Variants in ALOX5 observed in about 807,000 individuals in gnomAD.
ALOX5 encodes the protein arachidonate 5-lipoxygenase, also known as polyunsaturated fatty acid 5-lipoxygenase.
In ALOX5, 64 loss-of-function variants were observed where a neutral mutation model predicts 87.9. The ratio of observed to expected loss-of-function variants is 0.73; its 90% confidence interval spans 0.60 to 0.90. The LOEUF is 0.90. Among genes scored for constraint, ALOX5 ranks in the 40% least tolerant of loss-of-function variants. The pLI, the probability that ALOX5 is intolerant of heterozygous loss-of-function variation, is 0.00. For synonymous variants in ALOX5, 388 were observed against 355.1 expected, an observed-to-expected ratio of 1.09 and a Z score of -1.04; for missense variants, 822 against 907.5, an observed-to-expected ratio of 0.91 and a Z score of 1.21.
At chr10:45,423,963 T>G in intron 4 of ALOX5, 78 bp from the exon 5 acceptor site, 1 of 1,192,368 alleles carries the variant, frequency 8.4e-7, no homozygotes, top group Non-Finnish European at 1.2e-6. Flanking sequence ...TGAGGACCCC[T>G]GAGAGCTTGG....
At chr10:45,379,347 C>A (rs1031692903) in intron 1 of ALOX5, among the ~76,000 whole-genome samples, 1 of 152,190 alleles carries the variant, frequency 6.6e-6, no homozygotes, top group African/African-American at 2.4e-5. Flanking sequence ...ACACTCAGAC[C>A]AGGCCCGGGC....
intron 3 of ALOX5, among the ~76,000 whole-genome samples, chr10:45,401,980 G>A (rs1840715039): frequency 1.3e-5 from 2 of 151,512 alleles, no homozygotes; most frequent in South Asian, 2.1e-4. Flanking sequence ...CCAGCTGCTC[G>A]GGAGGCTGAG....
chr10:45,382,729 G>T, intron 2 of ALOX5, 48 bp downstream of exon 2: 1 of 1,568,124 alleles, frequency 6.4e-7, no homozygotes, highest in Non-Finnish European at 8.7e-7. Context: ...AGAACCGAAA[G>T]TTCTTCCTGT....
Position 45,440,591 on chromosome 10 carries a change from T to A in ALOX5, c.1143T>A (p.Ile381=), listed in dbSNP as rs763945960. ...RTHLVSEVFG[I]AMYRQLPAVH... The stretch of plus-strand genomic sequence containing the variant: ...ATCTGGTGTCTGAGGTTTTTGGCAT[T>A]GCAATGTACCGCCAGCTGCCTGCTG... Residue 381 remains isoleucine (I), a synonymous_variant, in exon 8 of 14, where the codon ATT becomes ATA. Coordinates refer to ENST00000374391, the MANE Select transcript of ALOX5 (RefSeq NM_000698.5). 1 of 1,614,162 alleles carries A rather than the reference T, an allele frequency of 6.2e-7. No homozygotes were observed. The highest frequency in any genetic ancestry group is 8.5e-7 in the Non-Finnish European group (1 of 1,180,026).
At chr10:45,442,502 CAT>C (rs1333237188) in intron 9 of ALOX5, 1 of 152,900 alleles carries the variant, frequency 6.5e-6, no homozygotes, top group South Asian at 2.1e-4. Context: ...CGTGGACACA[CAT>C]ATGTGCCAGT....
intron 1 of ALOX5, among the ~76,000 whole-genome samples, chr10:45,382,051 G>C (rs1467118684): frequency 6.6e-6 from 1 of 152,196 alleles, no homozygotes; most frequent in African/African-American, 2.4e-5. Flanking sequence ...AAAAGATGAA[G>C]ACCCCAAGAA....
In ALOX5 at chr10:45,409,509, G is replaced by GTCTGTCTC. The variant is rs1554793817; in HGVS notation, c.432-2679_432-2678insGTCTCTCT. Among the ~76,000 whole-genome samples, 35 of 129,908 alleles carry GTCTGTCTC rather than the reference G, an allele frequency of 2.7e-4. 1 individual carries two copies. Among genetic ancestry groups the GTCTGTCTC allele is most frequent in the Admixed American group, 2.2e-3 (29 of 13,386 alleles). The allele number at this position is 129,908 out of a possible 152,430, so 85.2% of individuals were successfully genotyped here. ...CCCCTTAGGATCTCTCTGTCTGTCT[G>GTCTGTCTC]TCTCTCTCTCTCTCTCTCTCTCTCT... On this transcript the variant is annotated intron_variant, in intron 3 of 13. Coordinates refer to ENST00000374391, the MANE Select transcript of ALOX5 (RefSeq NM_000698.5).
Position 45,391,580 on chromosome 10 carries a change from T to C in ALOX5, c.350-4275T>C, listed in dbSNP as rs534259052. ...TCGTCTGGGATGTAAGGAGCCCCTC[T>C]GCCTGGCTGCCCAGTCTGGAAAGTG... On this transcript the variant is annotated intron_variant, in intron 2 of 13. Coordinates refer to ENST00000374391, the MANE Select transcript of ALOX5 (RefSeq NM_000698.5). Among the ~76,000 whole-genome samples, 345 of 150,902 alleles carry C rather than the reference T, an allele frequency of 2.3e-3. 2 individuals carry two copies. The highest frequency in any genetic ancestry group is 7.9e-3 in the African/African-American group (324 of 40,874).
intron 1 of ALOX5, 117 bp from the exon 2 acceptor site, chr10:45,382,366 T>C: frequency 1.9e-6 from 2 of 1,049,192 alleles, no homozygotes; most frequent in Non-Finnish European, 1.4e-6. Flanking sequence ...TAAGTGCTTT[T>C]CATTCAACGT....
intron 4 of ALOX5, among the ~76,000 whole-genome samples, chr10:45,417,950 C>T (rs1270277090): frequency 6.6e-6 from 1 of 152,204 alleles, no homozygotes; most frequent in Non-Finnish European, 1.5e-5. Flanking sequence ...CAGTGCCGCC[C>T]ACCCTGCCCT....
chr10:45,420,686 TC>T (rs1433299469), intron 4 of ALOX5, among the ~76,000 whole-genome samples: 1 of 152,226 alleles, frequency 6.6e-6, no homozygotes, highest in Non-Finnish European at 1.5e-5. Context: ...GGCACGCAGT[TC>T]CTCCTAGCCA....
intron 2 of ALOX5, among the ~76,000 whole-genome samples, chr10:45,384,602 G>A (rs1839951227): frequency 6.6e-6 from 1 of 152,086 alleles, no homozygotes; most frequent in South Asian, 2.1e-4. Flanking sequence ...GGTGTCCTCT[G>A]GGTGCCTGCA....
At chr10:45,385,142 CAGCTGT>C in intron 2 of ALOX5, among the ~76,000 whole-genome samples, 1 of 152,306 alleles carries the variant, frequency 6.6e-6, no homozygotes, top group East Asian at 1.9e-4. Context: ...CTACCATGTC[CAGCTGT>C]GGCCAATTAT....
At chr10:45,445,022 C>T (rs1006241018) in intron 13 of ALOX5, among the ~76,000 whole-genome samples, 8 of 152,246 alleles carry the variant, frequency 5.3e-5, no homozygotes, top group Non-Finnish European at 1.0e-4. Flanking sequence ...AGCTCTGCCC[C>T]GCAGACATCT....
chr10:45,427,386 CG>C (rs1841748895), intron 6 of ALOX5, among the ~76,000 whole-genome samples: 2 of 152,196 alleles, frequency 1.3e-5, no homozygotes, highest in Admixed American at 1.3e-4. Flanking sequence ...AGTGCCTCCG[CG>C]GGGATAGTCC....
rs1197870698 is a variant in ALOX5 at position 45,443,147 on chromosome 10, A to G, written c.1382A>G (p.Glu461Gly). The stretch of plus-strand genomic sequence containing the variant: ...GAGGCCATCAAGGCCCGGGGCATGG[A>G]GAGCAAAGAAGACATCCCCTACTAC... ...FPEAIKARGM[E>G]SKEDIPYYFY... Residue 461 changes from glutamate (E) to glycine (G), a missense_variant, in exon 10 of 14, where the codon GAG becomes GGG. Transcript: ENST00000374391. 2.5e-6 allele frequency: 4 copies of G among 1,613,736 alleles called. No homozygotes were observed. The highest frequency in any genetic ancestry group is 3.4e-6 in the Non-Finnish European group (4 of 1,179,998).
intron 2 of ALOX5, 36 bp downstream of exon 2, chr10:45,382,717 C>T: frequency 6.3e-7 from 1 of 1,586,150 alleles, no homozygotes; most frequent in Non-Finnish European, 8.6e-7. Context: ...CCGGGCTTCC[C>T]AAGAACCGAA....
chr10:45,381,021 A>G (rs914458010), intron 1 of ALOX5, among the ~76,000 whole-genome samples: 2 of 152,244 alleles, frequency 1.3e-5, no homozygotes, highest in African/African-American at 2.4e-5. Flanking sequence ...GCGTGATGCA[A>G]TGCCTGAGCC....
At chr10:45,443,254 CG>C in intron 10 of ALOX5, 38 bp downstream of exon 10, 1 of 1,599,268 alleles carries the variant, frequency 6.3e-7, no homozygotes. Context: ...GGGGAGGAGC[CG>C]GGACCCCTGC....
Sources: gnomAD v4.1 joint callset for allele counts (sites outside exome capture counted in the v4.1 genomes callset) on GRCh38, gnomAD v4.1.1 for gene constraint, MANE v1.5 for transcripts, NCBI Gene and HGNC (gene_info 2026-07-23, HGNC 2026-07-21) for gene names.